Variants in ZBTB25 observed in about 807,000 individuals in gnomAD.
ZBTB25 encodes zinc finger and BTB domain containing 25, also known as zinc finger and BTB domain-containing protein 25.
A neutral mutation model predicts 34.2 loss-of-function variants in ZBTB25; 20 were observed. The ratio of observed to expected loss-of-function variants is 0.58; its 90% confidence interval spans 0.41 to 0.85. The LOEUF (loss-of-function observed/expected upper bound fraction) is 0.85. ZBTB25 is among the 40% of genes least tolerant of loss of function. ZBTB25 has a pLI of 0.00. For missense variants in ZBTB25, 437 were observed against 521.8 expected (o/e 0.84, Z 1.58); for synonymous variants, 175 against 186.4 (o/e 0.94, Z 0.50).
rs755672698 is a variant in ZBTB25 at position 64,488,075 on chromosome 14, A to G, written c.174-18T>C. 1 of 1,602,054 alleles carries G rather than the reference A, an allele frequency of 6.2e-7. No individual in the cohort carries two copies. Among genetic ancestry groups the G allele is most frequent in the South Asian group, 1.1e-5 (1 of 90,188 alleles). ...TGCATTCACTGTTAAAAACAAAAAC[A>G]GACCCACAAGAAATGAAACACAACC... On this transcript the variant is annotated intron_variant, in intron 2 of 2. Coordinates refer to ENST00000608382, the MANE Select transcript of ZBTB25 (RefSeq NM_006977.5).
At chr14:64,502,758 C>G (rs2140035277) in intron 1 of ZBTB25, 1 of 979,212 alleles carries the variant, frequency 1.0e-6, no homozygotes, top group South Asian at 4.7e-5. Context: ...GGAGTCTTAG[C>G]TATCAAGAGG....
upstream of ZBTB25, chr14:64,504,978 G>C (rs1028960315): frequency 2.5e-6 from 1 of 393,542 alleles, no homozygotes; most frequent in Admixed American, 4.4e-5. Context: ...GGCTATTTGC[G>C]CAACTTTGGC....
chr14:64,489,548 T>G (rs867511994), intron 2 of ZBTB25, among the ~76,000 whole-genome samples: 13 of 151,592 alleles, frequency 8.6e-5, no homozygotes, highest in African/African-American at 3.1e-4. Flanking sequence ...TTCTTTTTTT[T>G]TTTTTGAGAC....
chr14:64,503,187 A>G, intron 1 of ZBTB25: 1 of 985,402 alleles, frequency 1.0e-6, no homozygotes, highest in Non-Finnish European at 1.2e-6. Flanking sequence ...AAGATAGAAA[A>G]GGGGGGGATG....
chr14:64,452,499 C>G (rs2078389666), intron 2 of ZBTB25, among the ~76,000 whole-genome samples: 1 of 152,218 alleles, frequency 6.6e-6, no homozygotes, highest in Non-Finnish European at 1.5e-5. Flanking sequence ...GAAGCCAGCT[C>G]CACTTCTCTG....
chr14:64,491,782 A>G (rs1157834770), intron 1 of ZBTB25, among the ~76,000 whole-genome samples: 1 of 152,200 alleles, frequency 6.6e-6, no homozygotes, highest in Admixed American at 6.5e-5. Context: ...ATCCTTTGAA[A>G]GAGCAGACAC....
intron 1 of ZBTB25, among the ~76,000 whole-genome samples, chr14:64,501,308 T>C (rs757456542): frequency 2.8e-4 from 42 of 152,348 alleles, no homozygotes; most frequent in Non-Finnish European, 5.9e-4. Flanking sequence ...TGATGACTAA[T>C]GTATTATTTT....
At chr14:64,492,355 C>T (rs753641523) in intron 1 of ZBTB25, among the ~76,000 whole-genome samples, 4 of 151,658 alleles carry the variant, frequency 2.6e-5, no homozygotes, top group South Asian at 2.1e-4. Flanking sequence ...TACAGGTGCC[C>T]GCCACCATGC....
chr14:64,485,350 A>G lies in ZBTB25; in HGVS notation c.*1573T>C. On this transcript the variant is annotated 3_prime_UTR_variant, in exon 3 of 3. Transcript: ENST00000608382. ...TATTCAAATGCCCGTGAAGCTTAGA[A>G]TTTAACAAGAGGGCAAAAAAAGATG... The G allele has an allele frequency of 1.0e-6, 1 of 985,456 alleles. No homozygotes were observed. The highest frequency in any genetic ancestry group is 1.2e-6 in the Non-Finnish European group (1 of 829,938). The allele number at this position is 985,456 out of a possible 1,614,324, so 61.0% of individuals were successfully genotyped here.
At chr14:64,489,469 T>C (rs953994164) in intron 2 of ZBTB25, among the ~76,000 whole-genome samples, 1 of 152,114 alleles carries the variant, frequency 6.6e-6, no homozygotes, top group African/African-American at 2.4e-5. Flanking sequence ...AGAATTTACA[T>C]TATAGGGCAA....
intron 2 of ZBTB25, among the ~76,000 whole-genome samples, chr14:64,453,341 G>T (rs1451605516): frequency 6.6e-6 from 1 of 152,062 alleles, no homozygotes; most frequent in African/African-American, 2.4e-5. Context: ...GGAGGCCAAG[G>T]CTGGCAGATC....
chr14:64,502,859 C>T (rs1353683575), intron 1 of ZBTB25: 5 of 983,428 alleles, frequency 5.1e-6, no homozygotes, highest in Non-Finnish European at 6.0e-6. Flanking sequence ...TAAGGCACCT[C>T]TCGGCTCTAA....
At chr14:64,455,205 A>G in intron 2 of ZBTB25, 1 of 362,286 alleles carries the variant, frequency 2.8e-6, no homozygotes, top group South Asian at 2.3e-5. Flanking sequence ...ATCACAGTTA[A>G]TGTTTATTGG....
At chr14:64,504,822 A>AGCGCCGAGCGCCGC, upstream of ZBTB25, 1 of 390,462 alleles carries the variant, frequency 2.6e-6, no homozygotes, top group Non-Finnish European at 4.5e-6. Flanking sequence ...GCCCAGCCCG[A>AGCGCCGAGCGCCGC]GCGCCGAGCG....
chr14:64,492,570 A>T (rs916928295), intron 1 of ZBTB25, among the ~76,000 whole-genome samples: 1 of 151,908 alleles, frequency 6.6e-6, no homozygotes, highest in Non-Finnish European at 1.5e-5. Context: ...GTTCATATTG[A>T]AGCATCTTAA....
chr14:64,452,957 G>C (rs1468823347), intron 2 of ZBTB25, among the ~76,000 whole-genome samples: 1 of 151,984 alleles, frequency 6.6e-6, no homozygotes, highest in Non-Finnish European at 1.5e-5. Context: ...CTGGGCTCAA[G>C]TGATCCTCCT....
chr14:64,469,986 C>T (rs2078651232), intron 2 of ZBTB25: 1 of 237,574 alleles, frequency 4.2e-6, no homozygotes, highest in African/African-American at 2.3e-5. Flanking sequence ...TTATTGAGCA[C>T]TTATGGTATG....
At chr14:64,454,748 T>C in intron 2 of ZBTB25, 1 of 1,614,018 alleles carries the variant, frequency 6.2e-7, no homozygotes, top group South Asian at 1.1e-5. Flanking sequence ...CCCATCTGCA[T>C]GGCTAAAACA....
chr14:64,502,397 G>T (rs2079526570), intron 1 of ZBTB25, among the ~76,000 whole-genome samples: 2 of 152,110 alleles, frequency 1.3e-5, no homozygotes, highest in African/African-American at 4.8e-5. Flanking sequence ...TCCGATAACG[G>T]ATTCACGATT....
Sources: gnomAD v4.1 joint callset for allele counts (sites outside exome capture counted in the v4.1 genomes callset) on GRCh38, gnomAD v4.1.1 for gene constraint, MANE v1.5 for transcripts, NCBI Gene and HGNC (gene_info 2026-07-23, HGNC 2026-07-21) for gene names.